The following IQCM variants were observed in gnomAD, a reference collection of about 807,000 sequenced individuals.
IQCM encodes the protein IQ motif containing M.
Under a neutral mutation model 57.6 loss-of-function variants are expected in IQCM, and 45 were observed. That is an observed-to-expected ratio of 0.78 (90% CI 0.62 to 1.00). The LOEUF (loss-of-function observed/expected upper bound fraction) is 1.00. Among genes scored for constraint, IQCM ranks in the 50% least tolerant of loss-of-function variants. The pLI is 0.00. For synonymous variants in IQCM, 148 were observed against 158.9 expected (o/e 0.93, Z 0.51); for missense variants, 468 against 511.6 (o/e 0.91, Z 0.82).
intron 7 of IQCM, among the ~76,000 whole-genome samples, chr4:149,632,064 A>T (rs1485236856): frequency 1.3e-5 from 2 of 152,242 alleles, no homozygotes; most frequent in African/African-American, 4.8e-5. Flanking sequence ...AGGCCATGTT[A>T]GCTGAGAGGT....
At chr4:149,782,769 T>G (rs1771729472) in intron 2 of IQCM, among the ~76,000 whole-genome samples, 1 of 152,036 alleles carries the variant, frequency 6.6e-6, no homozygotes, top group Admixed American at 6.6e-5. Flanking sequence ...TAGAATAGAC[T>G]TAGCTAGAAG....
intron 12 of IQCM, among the ~76,000 whole-genome samples, chr4:149,477,309 C>G (rs1740305781): frequency 6.6e-6 from 1 of 152,092 alleles, no homozygotes; most frequent in Admixed American, 6.6e-5. Context: ...AGGACTGACG[C>G]TCAGGCCTTT....
chr4:149,783,837 G>T (rs1335374020), intron 2 of IQCM, among the ~76,000 whole-genome samples: 1 of 152,044 alleles, frequency 6.6e-6, no homozygotes, highest in Non-Finnish European at 1.5e-5. Flanking sequence ...TGGCCTCTAG[G>T]ACCTGAGGCA....
chr4:149,632,702 C>G (rs902975996), intron 7 of IQCM, among the ~76,000 whole-genome samples: 3 of 152,140 alleles, frequency 2.0e-5, no homozygotes, highest in Admixed American at 1.3e-4. Flanking sequence ...CTCTCCTAGT[C>G]AGGGCTGGGA....
At chr4:149,668,550 C>A (rs561545597) in intron 7 of IQCM, among the ~76,000 whole-genome samples, 4 of 152,188 alleles carry the variant, frequency 2.6e-5, no homozygotes, top group Admixed American at 2.6e-4. Context: ...AGGGGAAATA[C>A]CTAATGTAGA....
chr4:149,579,777 GT>G (rs1752004333), intron 9 of IQCM, among the ~76,000 whole-genome samples: 1 of 151,884 alleles, frequency 6.6e-6, no homozygotes, highest in Non-Finnish European at 1.5e-5. Flanking sequence ...ATATGAGGGA[GT>G]TTGGAGATGG....
chr4:149,582,954 T>A (rs1752344890), intron 9 of IQCM, among the ~76,000 whole-genome samples: 1 of 151,546 alleles, frequency 6.6e-6, no homozygotes, highest in African/African-American at 2.4e-5. Context: ...AATACAGTAA[T>A]TTTCAAGATA....
At chr4:149,801,181 A>G (rs1580333836) in intron 2 of IQCM, among the ~76,000 whole-genome samples, 1 of 152,030 alleles carries the variant, frequency 6.6e-6, no homozygotes, top group East Asian at 1.9e-4. Context: ...TCAAAACTAC[A>G]ATGAGATCAT....
intron 3 of IQCM, among the ~76,000 whole-genome samples, chr4:149,735,944 C>T (rs1419814425): frequency 1.3e-5 from 2 of 149,904 alleles, no homozygotes; most frequent in East Asian, 1.9e-4. Context: ...TAATTTCTTT[C>T]GACTTTTTTT....
intron 2 of IQCM, among the ~76,000 whole-genome samples, chr4:149,804,665 A>C (rs1397085711): frequency 3.9e-5 from 6 of 152,110 alleles, no homozygotes; most frequent in Non-Finnish European, 8.8e-5. Flanking sequence ...TTAGAAAAGA[A>C]GTATTGTTAT....
intron 7 of IQCM, among the ~76,000 whole-genome samples, chr4:149,662,120 T>C (rs1561122829): frequency 6.6e-6 from 1 of 152,014 alleles, no homozygotes; most frequent in Non-Finnish European, 1.5e-5. Flanking sequence ...CTATGTCCCG[T>C]GGGTTTTGGT....
chr4:149,401,583 C>T (rs1006170428), intron 13 of IQCM, among the ~76,000 whole-genome samples: 4 of 151,736 alleles, frequency 2.6e-5, no homozygotes, highest in South Asian at 2.1e-4. Flanking sequence ...GACTAGCAAA[C>T]ATCTCATGGA....
intron 8 of IQCM, among the ~76,000 whole-genome samples, chr4:149,599,970 T>C (rs1034770548): frequency 3.7e-5 from 5 of 133,770 alleles, no homozygotes; most frequent in Non-Finnish European, 6.6e-5. Flanking sequence ...TTGAAGTTGA[T>C]ACTTAAAACT....
At chr4:149,776,939 C>T (rs1771148139) in intron 2 of IQCM, among the ~76,000 whole-genome samples, 1 of 152,082 alleles carries the variant, frequency 6.6e-6, no homozygotes, top group Non-Finnish European at 1.5e-5. Flanking sequence ...TTTCTAATTT[C>T]TGTCGATAAG....
At chr4:149,624,922 T>G (rs1756665272) in intron 7 of IQCM, among the ~76,000 whole-genome samples, 1 of 152,206 alleles carries the variant, frequency 6.6e-6, no homozygotes. Flanking sequence ...CTAGAGCCTC[T>G]TTTATGCCAA....
chr4:149,679,712 C>T (rs1350734500), intron 7 of IQCM, among the ~76,000 whole-genome samples: 1 of 151,002 alleles, frequency 6.6e-6, no homozygotes, highest in Admixed American at 6.6e-5. Flanking sequence ...ACCATATACC[C>T]CAGGGAAAAC....
chr4:149,746,798 C>G (rs1014348619), intron 2 of IQCM, among the ~76,000 whole-genome samples: 2 of 152,172 alleles, frequency 1.3e-5, no homozygotes, highest in Non-Finnish European at 2.9e-5. Flanking sequence ...TAGTTGGCTC[C>G]AAATCCAAGA....
At chr4:149,763,142 CTCA>C (rs1349319316) in intron 2 of IQCM, among the ~76,000 whole-genome samples, 1 of 151,724 alleles carries the variant, frequency 6.6e-6, no homozygotes, top group African/African-American at 2.4e-5. Context: ...TTGTACGGAA[CTCA>C]TCATCATCAT....
intron 7 of IQCM, among the ~76,000 whole-genome samples, chr4:149,659,924 G>A (rs1265093018): frequency 2.3e-4 from 34 of 151,072 alleles, no homozygotes; most frequent in Admixed American, 9.9e-4. Context: ...GGCATGGGCA[G>A]GGACTTCATG....
Sources: gnomAD v4.1 joint callset for allele counts (sites outside exome capture counted in the v4.1 genomes callset) on GRCh38, gnomAD v4.1.1 for gene constraint, MANE v1.5 for transcripts, NCBI Gene and HGNC (gene_info 2026-07-23, HGNC 2026-07-21) for gene names.